Variants in SPATA13 observed in about 807,000 individuals in gnomAD.
SPATA13 encodes the protein spermatogenesis associated 13.
In SPATA13, 50 loss-of-function variants were observed where a neutral mutation model predicts 104.0. That is an observed-to-expected ratio of 0.48 (90% confidence interval 0.38 to 0.61). SPATA13 has a LOEUF of 0.61. SPATA13 is among the 20% of genes least tolerant of loss of function. The pLI is 0.00. For missense variants in SPATA13, 1,524 were observed against 1,690.6 expected (o/e 0.90, Z 1.73); for synonymous variants, 606 against 667.5 (o/e 0.91, Z 1.42).
At chr13:24,115,220 TC>T (rs1880794556) in intron 3 of SPATA13, among the ~76,000 whole-genome samples, 1 of 152,200 alleles carries the variant, frequency 6.6e-6, no homozygotes, top group Non-Finnish European at 1.5e-5. Flanking sequence ...AGTTGGGTCT[TC>T]CAGGTGCCTC....
intron 3 of SPATA13, among the ~76,000 whole-genome samples, chr13:24,146,203 T>A (rs1881926053): frequency 6.6e-6 from 1 of 152,238 alleles, no homozygotes; most frequent in Non-Finnish European, 1.5e-5. Flanking sequence ...ACTTTGAGTA[T>A]CTTGATCCCA....
Position 24,300,337 on chromosome 13 carries a change from C to T in SPATA13, c.3584-64C>T, listed in dbSNP as rs1284000053. 3.7e-6 allele frequency: 5 copies of T among 1,337,600 alleles called. No homozygotes were observed. In the South Asian group the frequency reaches 5.2e-5, roughly 14 times the overall value. 82.9% of individuals were successfully genotyped at this position (1,337,600 alleles called of 1,614,324 possible). A position where few individuals can be genotyped will look rare whatever the true frequency, so the allele number is the denominator to read the frequency against. The stretch of plus-strand genomic sequence containing the variant: ...CTCAATGCTGATATGGGCTGTGATA[C>T]AAGTTTTGCTCTGAAACATGTCCAC... On this transcript the variant is annotated intron_variant, in intron 11 of 12. Coordinates refer to ENST00000382108, the MANE Select transcript of SPATA13 (RefSeq NM_001166271.3).
intron 2 of SPATA13, among the ~76,000 whole-genome samples, chr13:24,229,193 C>A (rs995902803): frequency 6.6e-6 from 1 of 152,202 alleles, no homozygotes; most frequent in African/African-American, 2.4e-5. Flanking sequence ...CAAGGAGAAA[C>A]CCCCTCTTTA....
intron 1 of SPATA13, among the ~76,000 whole-genome samples, chr13:24,191,380 C>T (rs1869734784): frequency 6.6e-6 from 1 of 151,898 alleles, no homozygotes; most frequent in Non-Finnish European, 1.5e-5. Context: ...CATTGGGAAA[C>T]CAAAAACTTT....
At chr13:24,044,643 C>G (rs1357672725) in intron 3 of SPATA13, among the ~76,000 whole-genome samples, 1 of 152,164 alleles carries the variant, frequency 6.6e-6, no homozygotes, top group Non-Finnish European at 1.5e-5. Context: ...GCATATCCAT[C>G]ATCTCATACT....
At chr13:24,111,012 A>G (rs1347237040) in intron 3 of SPATA13, among the ~76,000 whole-genome samples, 1 of 152,102 alleles carries the variant, frequency 6.6e-6, no homozygotes, top group Non-Finnish European at 1.5e-5. Context: ...AACTCCAGTG[A>G]TCCTCCTACC....
At chr13:24,256,548 T>C (rs1239307810) in intron 4 of SPATA13, among the ~76,000 whole-genome samples, 1 of 152,134 alleles carries the variant, frequency 6.6e-6, no homozygotes, top group Non-Finnish European at 1.5e-5. Context: ...ATATAGAAAA[T>C]TGAACATTGC....
chr13:24,162,190 G>GCCTCCACCCAGTTCTCCCATCTC (rs1882528722), intron 1 of SPATA13, among the ~76,000 whole-genome samples: 1 of 152,134 alleles, frequency 6.6e-6, no homozygotes, highest in Non-Finnish European at 1.5e-5. Flanking sequence ...TTTGCCATCT[G>GCCTCCACCCAGTTCTCCCATCTC]CCTCCACCCA....
chr13:24,169,891 C>T (rs1882898486), intron 1 of SPATA13, among the ~76,000 whole-genome samples: 2 of 152,208 alleles, frequency 1.3e-5, no homozygotes, highest in South Asian at 4.1e-4. Context: ...AGGGCATGAG[C>T]ACTTCTGTGC....
chr13:24,109,233 T>G (rs887138251), intron 3 of SPATA13, among the ~76,000 whole-genome samples: 2 of 152,168 alleles, frequency 1.3e-5, no homozygotes, highest in East Asian at 3.9e-4. Flanking sequence ...CTTGTGATAG[T>G]TTCCTGAGAA....
chr13:24,256,005 C>T (rs1178108470), intron 4 of SPATA13, among the ~76,000 whole-genome samples: 1 of 152,148 alleles, frequency 6.6e-6, no homozygotes, highest in African/African-American at 2.4e-5. Context: ...TAGTGAAATA[C>T]TTTCTGCATA....
chr13:24,016,959 T>C (rs1234392722), intron 2 of SPATA13, among the ~76,000 whole-genome samples: 1 of 152,128 alleles, frequency 6.6e-6, no homozygotes, highest in Non-Finnish European at 1.5e-5. Flanking sequence ...GTGGAGCCCA[T>C]GGAGGGTGTG....
intron 1 of SPATA13, among the ~76,000 whole-genome samples, chr13:24,198,088 C>T (rs527741225): frequency 3.3e-5 from 5 of 152,158 alleles, no homozygotes; most frequent in East Asian, 1.9e-4. Flanking sequence ...CTCCACCTCC[C>T]GGATTCAAGC....
intron 2 of SPATA13, among the ~76,000 whole-genome samples, chr13:24,240,988 T>G (rs1872804703): frequency 7.1e-6 from 1 of 140,148 alleles, no homozygotes; most frequent in Non-Finnish European, 1.6e-5. Flanking sequence ...AGTTGCTTCT[T>G]TTTTTGTTTT....
chr13:24,127,319 T>A (rs1409873521), intron 3 of SPATA13, among the ~76,000 whole-genome samples: 1 of 152,092 alleles, frequency 6.6e-6, no homozygotes. Flanking sequence ...TGACCTTTAG[T>A]CAAGAGACAA....
intron 3 of SPATA13, among the ~76,000 whole-genome samples, chr13:24,078,705 A>G (rs1879411098): frequency 6.6e-6 from 1 of 152,198 alleles, no homozygotes. Flanking sequence ...CATACTCTTA[A>G]GTGCATAACT....
At chr13:24,251,559 TG>T (rs1873481627) in intron 3 of SPATA13, 158 bp from the exon 4 acceptor site, 2 of 1,481,568 alleles carry the variant, frequency 1.3e-6, no homozygotes, top group Admixed American at 2.4e-5. Flanking sequence ...CATCATGAGT[TG>T]CCACTGGGCT....
At chr13:24,121,992 C>G in intron 3 of SPATA13, 2 of 1,028,686 alleles carry the variant, frequency 1.9e-6, no homozygotes, top group Admixed American at 1.7e-5. Flanking sequence ...TAACATGAAC[C>G]ACTTCTGGAA....
intron 1 of SPATA13, among the ~76,000 whole-genome samples, chr13:23,983,495 A>G (rs943451835): frequency 1.3e-5 from 2 of 152,184 alleles, no homozygotes; most frequent in Admixed American, 1.3e-4. Context: ...AGAATTTTTA[A>G]AAAGTGGACA....
Sources: allele counts gnomAD v4.1 joint callset (sites outside exome capture counted in the v4.1 genomes callset), GRCh38; gene constraint gnomAD v4.1.1; transcripts MANE v1.5; gene names NCBI Gene and HGNC (gene_info 2026-07-23, HGNC 2026-07-21).